MAPK7: variants seen among roughly 807,000 people sequenced by gnomAD.
MAPK7 encodes BMK-1.
Under a neutral mutation model 56.9 loss-of-function variants are expected in MAPK7, and 30 were observed. That is an observed-to-expected ratio of 0.53 (90% confidence interval 0.39 to 0.72). MAPK7 has a LOEUF of 0.72. Among genes scored for constraint, MAPK7 ranks in the 30% least tolerant of loss-of-function variants. The pLI is 0.00. For missense variants in MAPK7, 952 were observed against 1,110.8 expected (o/e 0.86, Z 2.03); for synonymous variants, 516 against 449.3 (o/e 1.15, Z -1.88).
At position 19,378,745 on chromosome 17, in the gene MAPK7, T is replaced by G. The variant is rs900783798; in HGVS notation, c.-6+115T>G. On this transcript the variant is annotated intron_variant, in intron 1 of 6. Transcript: ENST00000395604. This position sits in a 1 kb window ranked among gnomAD's most constrained non-coding sequence, Gnocchi z 5.4. Reference sequence around the variant, plus strand: ...GCCCCCGGCTCTGGGCCCGGACCCCTGGGGTAGCTAGTCTGCCACGAACCA... The same window carrying G: ...GCCCCCGGCTCTGGGCCCGGACCCCGGGGGTAGCTAGTCTGCCACGAACCA... 85 of 1,269,646 alleles carry G rather than the reference T, an allele frequency of 6.7e-5. No individual in the cohort carries two copies. The highest frequency in any genetic ancestry group is 7.5e-5 in the Non-Finnish European group (73 of 968,590). The allele number at this position is 1,269,646 out of a possible 1,614,324, so 78.6% of individuals were successfully genotyped here. A position where few individuals can be genotyped will look rare whatever the true frequency, so the allele number is the denominator to read the frequency against.
In MAPK7 at chr17:19,381,847, G is replaced by A. The variant is rs1912705557; in HGVS notation, c.1544G>A (p.Arg515Gln). The stretch of plus-strand genomic sequence containing the variant: ...CCGGTGACAGCCCAGGAGCGCCAGC[G>A]GGAGCGGGAGGAGAAGCGGCGGAGG... ...RKPVTAQERQ[R>Q]EREEKRRRRQ... The change falls in exon 5 of 7, where the codon CGG becomes CAG. Residue 515 changes from arginine to glutamine, a missense_variant. Physicochemically the swap from Arg to Gln is conservative, Grantham distance 43. This residue lies in a region of MAPK7 where 429 missense variants were observed against 533.0 expected (regional missense o/e 0.80). Transcript: ENST00000395604. The surrounding 1 kb of genome is among the most constrained non-coding windows in gnomAD (Gnocchi z 4.6). The A allele has an allele frequency of 1.9e-6, 3 of 1,587,482 alleles. No individual in the cohort carries two copies. Among genetic ancestry groups the A allele is most frequent in the South Asian group, 1.1e-5 (1 of 87,418 alleles).
rs1309749803 is a variant in MAPK7 at position 19,378,973 on chromosome 17, C to T, written c.73C>T (p.Pro25Ser). ...AEPPGPVKAE[P>S]AHTAASVAAK... Reference sequence around the variant, plus strand: ...GCCCCCCGGGCCCGTGAAGGCCGAACCCGCCCACACCGCTGCCTCTGTAGC... The same window carrying T: ...GCCCCCCGGGCCCGTGAAGGCCGAATCCGCCCACACCGCTGCCTCTGTAGC... Residue 25 changes from proline (P) to serine (S), a missense_variant, in exon 2 of 7, where the codon CCC becomes TCC. Physicochemically the swap from Pro to Ser is moderately conservative, Grantham distance 74. Transcript: ENST00000395604. This position sits in a 1 kb window ranked among gnomAD's most constrained non-coding sequence, Gnocchi z 5.4. The T allele has an allele frequency of 6.2e-6, 10 of 1,607,206 alleles. No homozygotes were observed. The highest frequency in any genetic ancestry group is 1.7e-5 in the Admixed American group (1 of 59,104).
In MAPK7 at chr17:19,378,689, G is replaced by T; in HGVS notation, c.-6+59G>T. On this transcript the variant is annotated intron_variant, in intron 1 of 6. Transcript: ENST00000395604. The surrounding 1 kb of genome is among the most constrained non-coding windows in gnomAD (Gnocchi z 5.4). ...GCCCCTCCCTTTCTTCCTGGCCCGC[G>T]CCTCGCCTACCCCTCCCCCGACCCT... is the stretch of plus-strand genomic sequence containing the variant. The T allele has an allele frequency of 7.2e-6, 10 of 1,393,330 alleles. No individual in the cohort carries two copies. The South Asian group carries it at 1.5e-4, about 20-fold the overall frequency. The allele number at this position is 1,393,330 out of a possible 1,614,324, so 86.3% of individuals were successfully genotyped here. A position where few individuals can be genotyped will look rare whatever the true frequency, so the allele number is the denominator to read the frequency against.
upstream of MAPK7, chr17:19,378,351 C>A: frequency 1.0e-6 from 1 of 988,858 alleles, no homozygotes; most frequent in Non-Finnish European, 1.2e-6. The surrounding 1 kb of genome is among the most constrained non-coding windows in gnomAD (Gnocchi z 5.4). Context: ...TGGACAGCGG[C>A]GCGCGCCAGG....
chr17:19,382,311 G>T lies in MAPK7; in HGVS notation c.2008G>T (p.Val670Leu). Reference protein sequence around the residue: ...STSLLAAQSLVPPPGLPGSST... With the variant: ...STSLLAAQSLLPPPGLPGSST... ...CAGCCTCCTGGCTGCCCAGTCACTT[G>T]TGCCACCCCCTGGGCTGCCTGGCTC... is the stretch of plus-strand genomic sequence containing the variant. Residue 670 changes from valine (V) to leucine (L), a missense_variant, in exon 5 of 7, where the codon GTG (valine) becomes TTG (leucine). Val to Leu is a conservative substitution (Grantham distance 32). Around this residue, in one of 5 missense-constraint regions of MAPK7, gnomAD observed 234 missense variants for 210.4 expected, o/e 1.11. Transcript: ENST00000395604. The T allele has an allele frequency of 2.5e-6, 4 of 1,611,842 alleles. No individual in the cohort carries two copies. In the South Asian group the frequency reaches 4.4e-5, roughly 18 times the overall value.
rs1442224602 is a variant in MAPK7, at chr17:19,380,900, G to A, written c.691G>A (p.Glu231Lys). 4.3e-6 allele frequency: 7 copies of A among 1,614,044 alleles called. No homozygotes were observed. The highest frequency in any genetic ancestry group is 2.2e-5 in the East Asian group (1 of 44,890). Residue 231 changes from glutamate to lysine, a missense_variant, in exon 4 of 7, where the codon GAG becomes AAG. Glu to Lys is a moderately conservative substitution (Grantham distance 56). Transcript: ENST00000395604. ...GGCCACGCGCTGGTACCGTGCGCCC[G>A]AGCTCATGCTCTCTTTGCATGAGTA... ...YVATRWYRAPELMLSLHEYTQ... is the reference protein window; with the variant it reads ...YVATRWYRAPKLMLSLHEYTQ...
chr17:19,382,135 C>T lies in MAPK7; in HGVS notation c.1832C>T (p.Ala611Val), dbSNP rs138421126. ...ACCAGTCCTCCTCCTGGCCCTGTAG[C>T]CCAGCCCACTGGCCCGCAACCACAA... ...QPTSPPPGPV[A>V]QPTGPQPQSA... Residue 611 changes from alanine (A) to valine (V), a missense_variant, in exon 5 of 7, where the codon GCC (alanine) becomes GTC (valine). Physicochemically the swap from Ala to Val is moderately conservative, Grantham distance 64 (BLOSUM62 0). Coordinates refer to ENST00000395604, the MANE Select transcript of MAPK7 (RefSeq NM_002749.4). 5.0e-6 allele frequency: 8 copies of T among 1,612,472 alleles called. No homozygotes were observed. The African/African-American group carries it at 9.3e-5, about 19-fold the overall frequency.
At chr17:19,379,586 C>T (rs1481673040) in intron 2 of MAPK7, 196 bp from the exon 3 acceptor site, 1 of 597,698 alleles carries the variant, frequency 1.7e-6, no homozygotes, top group Non-Finnish European at 2.9e-6. Flanking sequence ...TGGGACCTGC[C>T]CCGCAGGGGA....
Sources: allele counts gnomAD v4.1 joint callset, GRCh38; gene constraint gnomAD v4.1.1; regional missense constraint gnomAD v4.1.1; non-coding constraint Gnocchi (gnomAD v3.1); transcripts MANE v1.5; gene names NCBI Gene and HGNC (gene_info 2026-07-23, HGNC 2026-07-21).